The following RPL27A variants were observed in gnomAD, a reference collection of about 807,000 sequenced individuals.
RPL27A encodes ribosomal protein L27a.
For missense variants in RPL27A, 118 were observed against 189.4 expected (o/e 0.62, Z 2.21); for synonymous variants, 69 against 68.3 (o/e 1.01, Z -0.05).
In RPL27A at chr11:8,683,972, C is replaced by T. The variant is rs767297557; in HGVS notation, c.68-34C>T. ...TGCTGGGATTACAGGCATGAGCCATCACACCGGCCCCACGTAGCTTTGTAT... is the reference window on the plus strand; with the variant it reads ...TGCTGGGATTACAGGCATGAGCCATTACACCGGCCCCACGTAGCTTTGTAT... On this transcript the variant is annotated intron_variant, in intron 2 of 4. Transcript: ENST00000314138. The T allele has an allele frequency of 2.5e-6, 4 of 1,587,554 alleles. No individual in the cohort carries two copies. The Admixed American group carries it at 6.7e-5, about 26-fold the overall frequency.
chr11:8,684,936 A>G, intron 4 of RPL27A, 44 bp downstream of exon 4: 1 of 1,590,380 alleles, frequency 6.3e-7, no homozygotes. Flanking sequence ...ACCTTCCCTT[A>G]CAAAACTCTG....
rs924596251 is a variant in RPL27A at position 8,688,193 on chromosome 11, G to T, written c.*2387G>T. The T allele has an allele frequency of 8.5e-5, 13 of 152,294 alleles. No individual in the cohort carries two copies. Among genetic ancestry groups the T allele is most frequent in the African/African-American group, 3.1e-4 (13 of 41,456 alleles). The allele number at this position is 152,294 out of a possible 1,614,324, so 9.4% of individuals were successfully genotyped here. On this transcript the variant is annotated 3_prime_UTR_variant, in exon 5 of 5. Transcript: ENST00000314138. ...GTGAGTATGGAAAAGGTACGATTCA[G>T]ACGGCATAATGGACGGGACTTGGAG... is the stretch of plus-strand genomic sequence containing the variant.
chr11:8,685,591 A>C, intron 4 of RPL27A, 87 bp from the exon 5 acceptor site: 1 of 1,455,098 alleles, frequency 6.9e-7, no homozygotes, highest in East Asian at 2.3e-5. Flanking sequence ...AGGGATTTAG[A>C]AAGTGGGTTG....
chr11:8,687,512 A>G lies in RPL27A; in HGVS notation c.*1706A>G, dbSNP rs1203514650. ...AGTTCATGATGAATTAAAAGACTCA[A>G]TATTTGGTCTTCACCCAATACCTGT... On this transcript the variant is annotated 3_prime_UTR_variant, in exon 5 of 5. Transcript: ENST00000314138. 6.6e-6 allele frequency: 1 copy of G among 152,272 alleles called. No homozygotes were observed. Among genetic ancestry groups the G allele is most frequent in the Non-Finnish European group, 1.5e-5 (1 of 68,044 alleles). The allele number at this position is 152,272 out of a possible 1,614,324, so 9.4% of individuals were successfully genotyped here. A position where few individuals can be genotyped will look rare whatever the true frequency, so the allele number is the denominator to read the frequency against.
At chr11:8,683,514 A>G (rs1310108907) in intron 2 of RPL27A, 3 of 572,476 alleles carry the variant, frequency 5.2e-6, no homozygotes, top group Admixed American at 6.3e-5. Flanking sequence ...GAATGCTGTG[A>G]TGTGGAACCT....
intron 3 of RPL27A, chr11:8,684,489 A>T (rs115058026): frequency 4.3e-4 from 293 of 682,736 alleles, no homozygotes; most frequent in Non-Finnish European, 6.9e-4. Flanking sequence ...CCTGCCTCTG[A>T]CATTGTCGGT....
At chr11:8,685,224 G>A (rs2039575185) in intron 4 of RPL27A, 1 of 432,182 alleles carries the variant, frequency 2.3e-6, no homozygotes, top group South Asian at 2.1e-5. Flanking sequence ...CCCCAAAACA[G>A]ATGTATTATG....
At chr11:8,683,933 T>G in intron 2 of RPL27A, 73 bp from the exon 3 acceptor site, 1 of 1,207,266 alleles carries the variant, frequency 8.3e-7, no homozygotes, top group Non-Finnish European at 1.2e-6. Flanking sequence ...CTACCCCCCC[T>G]CGTCCTCCTA....
In RPL27A at chr11:8,689,794, T is replaced by C. The variant is rs1311803927; in HGVS notation, c.*3988T>C. 1 of 152,258 alleles carries C rather than the reference T, an allele frequency of 6.6e-6. No homozygotes were observed. Among genetic ancestry groups the C allele is most frequent in the Non-Finnish European group, 1.5e-5 (1 of 68,044 alleles). The allele number at this position is 152,258 out of a possible 1,614,324, so 9.4% of individuals were successfully genotyped here. On this transcript the variant is annotated 3_prime_UTR_variant, in exon 5 of 5. Transcript: ENST00000314138. ...GTTGTTTCAAATAACCTAGTTTGTG[T>C]ATCCCTGTAAGTCATTTTGGTATAA...
intron 1 of RPL27A, 46 bp downstream of exon 1, chr11:8,682,862 CCT>C: frequency 6.3e-7 from 1 of 1,596,642 alleles, no homozygotes; most frequent in Non-Finnish European, 8.5e-7. Flanking sequence ...GGCGGAGACC[CCT>C]AAGCTGTATT....
intron 3 of RPL27A, 97 bp downstream of exon 3, chr11:8,684,178 A>G (rs2039554829): frequency 9.9e-7 from 1 of 1,012,014 alleles, no homozygotes; most frequent in South Asian, 1.3e-5. Context: ...AGCCTTGCCT[A>G]TTGCTGTTTT....
Position 8,683,186 on chromosome 11 carries a change from A to G in RPL27A, c.4-16A>G. The G allele has an allele frequency of 1.2e-6, 2 of 1,614,036 alleles. No individual in the cohort carries two copies. Among genetic ancestry groups the G allele is most frequent in the East Asian group, 4.5e-5 (2 of 44,886 alleles). On this transcript the variant is annotated splice_polypyrimidine_tract_variant and intron_variant, in intron 1 of 4. Transcript: ENST00000314138. Reference sequence around the variant, plus strand: ...CCTAATTCCTTAGGCCTTACCACCAAGCTTTTTCCACACAGCCATCCAGAC... The same window carrying G: ...CCTAATTCCTTAGGCCTTACCACCAGGCTTTTTCCACACAGCCATCCAGAC...
rs2039615016 is a variant in RPL27A, at chr11:8,689,121, A to C, written c.*3315A>C. The C allele has an allele frequency of 1.3e-5, 2 of 152,228 alleles. No homozygotes were observed. 9.4% of individuals were successfully genotyped at this position (152,228 alleles called of 1,614,324 possible). A position where few individuals can be genotyped will look rare whatever the true frequency, so the allele number is the denominator to read the frequency against. ...GCGCGAGCGCAGATAACTCCCCTGG[A>C]GAGGCGGGATGTTCAACTCCACCCC... On this transcript the variant is annotated 3_prime_UTR_variant, in exon 5 of 5. Coordinates refer to ENST00000314138, the MANE Select transcript of RPL27A (RefSeq NM_000990.5).
chr11:8,683,008 A>C, intron 1 of RPL27A, 192 bp downstream of exon 1: 1 of 879,264 alleles, frequency 1.1e-6, no homozygotes, highest in Non-Finnish European at 1.8e-6. Context: ...CGCGGTTCGG[A>C]TCTCTAGGAC....
Position 8,682,810 on chromosome 11 carries a change from C to T in RPL27A, c.-4C>T, listed in dbSNP as rs372050010. ...GGCCTTCCTTTTTCGTCTGGGCTGCCAACATGGTAGGTGTTTCGTTTCTTG... is the reference window on the plus strand; with the variant it reads ...GGCCTTCCTTTTTCGTCTGGGCTGCTAACATGGTAGGTGTTTCGTTTCTTG... On this transcript the variant is annotated 5_prime_UTR_variant, in exon 1 of 5. Coordinates refer to ENST00000314138, the MANE Select transcript of RPL27A (RefSeq NM_000990.5). 6.8e-6 allele frequency: 11 copies of T among 1,613,126 alleles called. No homozygotes were observed. Among genetic ancestry groups the T allele is most frequent in the Admixed American group, 1.7e-5 (1 of 59,892 alleles).
In RPL27A at chr11:8,685,966, A is replaced by G. The variant is rs2039583605; in HGVS notation, c.*160A>G. On this transcript the variant is annotated 3_prime_UTR_variant, in exon 5 of 5. Coordinates refer to ENST00000314138, the MANE Select transcript of RPL27A (RefSeq NM_000990.5). ...GGTCCTCTCCTGACTTCCCTCAAATATATGGTAAACGTAAGACCAACACAG... is the reference window on the plus strand; with the variant it reads ...GGTCCTCTCCTGACTTCCCTCAAATGTATGGTAAACGTAAGACCAACACAG... 1.6e-6 allele frequency: 1 copy of G among 640,114 alleles called. No individual in the cohort carries two copies. The highest frequency in any genetic ancestry group is 2.9e-5 in the Admixed American group (1 of 34,036). 39.7% of individuals were successfully genotyped at this position (640,114 alleles called of 1,614,324 possible).
At chr11:8,683,662 G>C in intron 2 of RPL27A, 1 of 477,626 alleles carries the variant, frequency 2.1e-6, no homozygotes, top group South Asian at 2.2e-5. Context: ...AGATGCATGA[G>C]AAGGCTGTGT....
At position 8,684,707 on chromosome 11, in the gene RPL27A, C is replaced by A; in HGVS notation, c.144-11C>A. ...GGAGTGTGTATGAAGGTGGTTGTTA[C>A]CTCTTCCTAGCCACCCAGGCTACTT... On this transcript the variant is annotated splice_polypyrimidine_tract_variant and intron_variant, in intron 3 of 4. Coordinates refer to ENST00000314138, the MANE Select transcript of RPL27A (RefSeq NM_000990.5). 1 of 1,613,372 alleles carries A rather than the reference C, an allele frequency of 6.2e-7. No homozygotes were observed. The highest frequency in any genetic ancestry group is 8.5e-7 in the Non-Finnish European group (1 of 1,179,372).
rs1210917950 is a variant in RPL27A at position 8,686,236 on chromosome 11, CTCA to C, written c.*433_*435del. ...GCCCAAGGTTTTTCCACGTGGCCCC[CTCA>C]TCTTTTTTTTTTTTTTAAACGGAGT... On this transcript the variant is annotated 3_prime_UTR_variant, in exon 5 of 5. Coordinates refer to ENST00000314138, the MANE Select transcript of RPL27A (RefSeq NM_000990.5). 1 of 154,794 alleles carries C rather than the reference CTCA, an allele frequency of 6.5e-6. No individual in the cohort carries two copies. The highest frequency in any genetic ancestry group is 1.4e-5 in the Non-Finnish European group (1 of 69,868). The allele number at this position is 154,794 out of a possible 1,614,324, so 9.6% of individuals were successfully genotyped here.
Sources: allele counts gnomAD v4.1 joint callset, GRCh38; gene constraint gnomAD v4.1.1; transcripts MANE v1.5; gene names NCBI Gene and HGNC (gene_info 2026-07-23, HGNC 2026-07-21).